IQCJ: variants seen among roughly 807,000 people sequenced by gnomAD.
IQCJ encodes the protein IQ motif containing J, also known as IQ domain-containing protein J.
A neutral mutation model predicts 11.0 loss-of-function variants in IQCJ; 9 were observed. The ratio of observed to expected loss-of-function variants is 0.82; its 90% CI spans 0.49 to 1.43. The LOEUF (loss-of-function observed/expected upper bound fraction) is 1.43. Among genes scored for constraint, IQCJ ranks in the 40% most tolerant of loss-of-function variants. The pLI is 0.00. For synonymous variants in IQCJ, 55 were observed against 51.3 expected, an observed-to-expected ratio of 1.07 and a Z score of -0.31; for missense variants, 146 against 133.2, an observed-to-expected ratio of 1.10 and a Z score of -0.47.
intron 1 of IQCJ, among the ~76,000 whole-genome samples, chr3:159,144,009 C>T (rs1720777885): frequency 6.6e-6 from 1 of 152,296 alleles, no homozygotes; most frequent in South Asian, 2.1e-4. Context: ...AGCCTGTGCC[C>T]TCAAGTCCTT....
chr3:159,127,018 A>C (rs1478482967), intron 1 of IQCJ, among the ~76,000 whole-genome samples: 1 of 152,234 alleles, frequency 6.6e-6, no homozygotes, highest in Non-Finnish European at 1.5e-5. Flanking sequence ...GGGCCCTGGC[A>C]CTGCTTTTGG....
At chr3:159,133,078 G>C (rs113648011) in intron 1 of IQCJ, among the ~76,000 whole-genome samples, 1 of 151,732 alleles carries the variant, frequency 6.6e-6, no homozygotes, top group Non-Finnish European at 1.5e-5. Context: ...CAAGACATTT[G>C]CTTGTGTGAA....
chr3:159,174,334 T>C (rs1234174616), intron 1 of IQCJ, among the ~76,000 whole-genome samples: 4 of 152,110 alleles, frequency 2.6e-5, no homozygotes, highest in African/African-American at 7.2e-5. Flanking sequence ...CTATATTATA[T>C]GATTAAAAAT....
chr3:159,127,739 T>C (rs1719757450), intron 1 of IQCJ, among the ~76,000 whole-genome samples: 1 of 151,954 alleles, frequency 6.6e-6, no homozygotes, highest in Admixed American at 6.5e-5. Flanking sequence ...GCGTGAACTA[T>C]TATTATCAAA....
chr3:159,173,853 A>G (rs1426035962), intron 1 of IQCJ, among the ~76,000 whole-genome samples: 1 of 152,130 alleles, frequency 6.6e-6, no homozygotes, highest in Non-Finnish European at 1.5e-5. Context: ...GTCTTTTTCC[A>G]TCTGAAGACT....
chr3:159,165,782 T>G (rs1022150369), intron 1 of IQCJ, among the ~76,000 whole-genome samples: 1 of 137,930 alleles, frequency 7.3e-6, no homozygotes, highest in African/African-American at 2.7e-5. Flanking sequence ...CCCAGCTAAT[T>G]TTTGTATTTT....
intron 1 of IQCJ, among the ~76,000 whole-genome samples, chr3:159,181,400 AACTT>A (rs1216598626): frequency 7.1e-6 from 1 of 141,786 alleles, no homozygotes; most frequent in Admixed American, 6.9e-5. Context: ...ACTTGGTTTT[AACTT>A]GTTAAAACCA....
chr3:159,164,683 G>T (rs1361714365), intron 1 of IQCJ, among the ~76,000 whole-genome samples: 1 of 152,112 alleles, frequency 6.6e-6, no homozygotes. Context: ...CAGGAGAATC[G>T]CTTGAACCTG....
rs560326256 is a variant in IQCJ at position 159,235,552 on chromosome 3, G to C, written c.10-10291G>C. 1.1e-3 allele frequency among the ~76,000 whole-genome samples: 170 copies of C among 152,282 alleles called. 2 individuals carry two copies. In the South Asian group the frequency reaches 0.013, roughly 11 times the overall value. ...ATCCAGTGCGAGTGGATTGCAGTTT[G>C]CTGGTGCTTATTCAGATTAGGGCAA... On this transcript the variant is annotated intron_variant, in intron 1 of 3. Coordinates refer to ENST00000397832, the MANE Select transcript of IQCJ (RefSeq NM_001042706.3).
At chr3:159,264,039 G>A (rs1728366914), downstream of IQCJ, among the ~76,000 whole-genome samples, 1 of 152,188 alleles carries the variant, frequency 6.6e-6, no homozygotes, top group African/African-American at 2.4e-5. Context: ...TGTCTTTGCT[G>A]TAAATGCCAA....
chr3:159,103,653 A>G (rs1363383908), intron 1 of IQCJ, among the ~76,000 whole-genome samples: 4 of 152,184 alleles, frequency 2.6e-5, no homozygotes, highest in African/African-American at 9.7e-5. Context: ...TAATGTGGAT[A>G]TTTCTCATAG....
chr3:159,225,803 A>G (rs1172941763), intron 1 of IQCJ, among the ~76,000 whole-genome samples: 10 of 152,118 alleles, frequency 6.6e-5, no homozygotes, highest in East Asian at 3.9e-4. Context: ...AAAGGGCTCA[A>G]TCCAACACTA....
intron 1 of IQCJ, among the ~76,000 whole-genome samples, chr3:159,072,236 C>G (rs757535924): frequency 2.6e-5 from 4 of 151,948 alleles, no homozygotes; most frequent in Non-Finnish European, 5.9e-5. Flanking sequence ...GGAGCATTTT[C>G]CAATAGAGAA....
At chr3:159,263,875 T>A (rs1728355468), downstream of IQCJ, 2 of 937,208 alleles carry the variant, frequency 2.1e-6, no homozygotes, top group African/African-American at 3.6e-5. Context: ...CTTCACTTTT[T>A]AAAACAATTA....
Position 159,102,110 on chromosome 3 carries a change from T to C in IQCJ, c.9+32669T>C, listed in dbSNP as rs942291576. ...CAGTCAAAAGCATGTTCACCTAAAA[T>C]GATTCCTTTTACAAACAAGAAACAG... On this transcript the variant is annotated intron_variant, in intron 1 of 3. Transcript: ENST00000397832. Among the ~76,000 whole-genome samples the C allele has an allele frequency of 5.3e-5, 8 of 152,214 alleles. 1 individual carries two copies. The highest frequency in any genetic ancestry group is 5.2e-4 in the Admixed American group (8 of 15,268).
intron 3 of IQCJ, among the ~76,000 whole-genome samples, chr3:159,254,035 T>A (rs150317561): frequency 3.9e-5 from 6 of 152,358 alleles, no homozygotes; most frequent in African/African-American, 7.2e-5. Context: ...GTGTCACACT[T>A]ACTAAATACA....
chr3:159,254,263 C>T (rs1445147966), intron 3 of IQCJ, among the ~76,000 whole-genome samples: 24 of 152,058 alleles, frequency 1.6e-4, no homozygotes. Context: ...ACTCCTGGGT[C>T]TTTTTCAGTT....
intron 1 of IQCJ, among the ~76,000 whole-genome samples, chr3:159,084,005 C>A (rs1171743572): frequency 1.3e-5 from 2 of 151,952 alleles, no homozygotes; most frequent in Non-Finnish European, 2.9e-5. Context: ...GTTACATGAA[C>A]CCATATATGT....
At chr3:159,105,152 A>C (rs886771467) in intron 1 of IQCJ, among the ~76,000 whole-genome samples, 2 of 152,266 alleles carry the variant, frequency 1.3e-5, no homozygotes, top group African/African-American at 4.8e-5. Context: ...TGAGAAGGAA[A>C]CTGAAGCTCT....
Sources: allele counts gnomAD v4.1 joint callset (sites outside exome capture counted in the v4.1 genomes callset), GRCh38; gene constraint gnomAD v4.1.1; transcripts MANE v1.5; gene names NCBI Gene and HGNC (gene_info 2026-07-23, HGNC 2026-07-21).